Variants in TENM1 observed in about 807,000 individuals in gnomAD.
TENM1 encodes the protein teneurin-1.
In TENM1, 35 loss-of-function variants were observed where a neutral mutation model predicts 174.8. The ratio of observed to expected loss-of-function variants is 0.20; its 90% CI spans 0.15 to 0.27. The LOEUF is 0.27. Ranked by LOEUF, TENM1 falls within the 10% of genes least tolerant of loss-of-function variation. The pLI is 1.00. For synonymous variants in TENM1, 781 were observed against 798.7 expected (o/e 0.98, Z 0.37); for missense variants, 1,633 against 2,130.1 (o/e 0.77, Z 4.59).
the TENM1 span, among the ~76,000 whole-genome samples, chrX:125,049,175 T>C: frequency 9.0e-6 from 1 of 111,484 alleles, no homozygotes; most frequent in South Asian, 3.7e-4. Context: ...TGTGCAACCA[T>C]TACCACTAAT....
intron 11 of TENM1, among the ~76,000 whole-genome samples, chrX:124,585,752 G>A (rs1009720231): frequency 4.5e-5 from 5 of 111,387 alleles, no homozygotes; most frequent in Non-Finnish European, 9.4e-5. Context: ...CCAGGAGCTG[G>A]TTTTTTGAAA....
intron 3 of TENM1, among the ~76,000 whole-genome samples, chrX:124,820,096 G>C (rs918142143): frequency 9.0e-6 from 1 of 111,028 alleles, no homozygotes; most frequent in Non-Finnish European, 1.9e-5. Context: ...GCCTGGCTCT[G>C]TTCCCTTTTC....
At chrX:124,732,898 G>C (rs2053595018) in intron 4 of TENM1, among the ~76,000 whole-genome samples, 1 of 112,080 alleles carries the variant, frequency 8.9e-6, no homozygotes, top group Non-Finnish European at 1.9e-5. Context: ...CCTTTCCTTT[G>C]GGGATTGACC....
At chrX:124,996,544 AAAAAC>A in the TENM1 span, among the ~76,000 whole-genome samples, 281 of 94,057 alleles carry the variant, frequency 3.0e-3, 1 homozygote, top group African/African-American at 0.012. Flanking sequence ...CTAAAAAAAA[AAAAAC>A]CACACACACA....
chrX:124,491,896 AT>A (rs1199249838), intron 20 of TENM1, among the ~76,000 whole-genome samples: 1 of 111,678 alleles, frequency 9.0e-6, no homozygotes, highest in Non-Finnish European at 1.9e-5. Flanking sequence ...AAGGGCATCC[AT>A]TAGGGGCAAA....
intron 1 of TENM1, among the ~76,000 whole-genome samples, chrX:124,929,567 G>T (rs138517196): frequency 1.1e-3 from 124 of 111,961 alleles, no homozygotes; most frequent in African/African-American, 3.8e-3. Context: ...TTCACCTGCA[G>T]GAAAGGGACC....
At chrX:124,503,591 C>A in exon 19 of TENM1, 1 of 1,206,677 alleles carries the variant, frequency 8.3e-7, no homozygotes, top group Middle Eastern at 2.3e-4. Flanking sequence ...GATGCTTATT[C>A]AAAGACCAGC....
rs191974911 is a variant in TENM1 at position 124,411,558 on chromosome X, C to A, written c.4983-5069G>T. Among the ~76,000 whole-genome samples the A allele has an allele frequency of 2.1e-4, 24 of 111,707 alleles. 1 individual carries two copies. In the Middle Eastern group the frequency reaches 0.014, roughly 65 times the overall value. ...ACCCCAACTCCAACACACTCACATA[C>A]CCCAATTCTGCTAGTTCACAGTTAA... On this transcript the variant is annotated intron_variant, in intron 25 of 31. Transcript: ENST00000422452.
At chrX:124,754,641 G>C (rs371267128) in intron 3 of TENM1, among the ~76,000 whole-genome samples, 163 of 109,268 alleles carry the variant, frequency 1.5e-3, no homozygotes, top group African/African-American at 5.2e-3. Context: ...ATAAATTTCC[G>C]TCTACACACT....
intron 23 of TENM1, among the ~76,000 whole-genome samples, chrX:124,423,467 G>T (rs926777265): frequency 9.0e-6 from 1 of 111,602 alleles, no homozygotes; most frequent in Admixed American, 9.6e-5. Flanking sequence ...ATGATTTGTG[G>T]TATAGTAGAG....
At chrX:125,058,744 T>C in the TENM1 span, among the ~76,000 whole-genome samples, 20,748 of 110,165 alleles carry the variant, frequency 0.19, 1,494 homozygotes, top group Admixed American at 0.33. Flanking sequence ...TGACAGTGGT[T>C]ACTACTGTAA....
the TENM1 span, among the ~76,000 whole-genome samples, chrX:125,025,244 G>A: frequency 9.0e-6 from 1 of 110,797 alleles, no homozygotes; most frequent in Non-Finnish European, 1.9e-5. Context: ...GACCATGTAT[G>A]TATACATACT....
intron 11 of TENM1, among the ~76,000 whole-genome samples, chrX:124,610,274 T>C (rs2050250610): frequency 1.8e-5 from 2 of 112,437 alleles, no homozygotes; most frequent in Non-Finnish European, 1.9e-5. Context: ...ATTCTGTTTA[T>C]AGTGCAATAA....
At chrX:124,778,968 T>A (rs1469394715) in intron 3 of TENM1, among the ~76,000 whole-genome samples, 3 of 112,208 alleles carry the variant, frequency 2.7e-5, no homozygotes, top group Non-Finnish European at 5.6e-5. Context: ...AGCAGGGTCA[T>A]GGTATAATGT....
the TENM1 span, among the ~76,000 whole-genome samples, chrX:125,201,204 A>G: frequency 8.9e-6 from 1 of 112,376 alleles, no homozygotes; most frequent in Non-Finnish European, 1.9e-5. Flanking sequence ...ATCAATGACT[A>G]TGAGGGAAAC....
chrX:124,393,393 A>G (rs2060301616), intron 27 of TENM1, among the ~76,000 whole-genome samples: 2 of 110,088 alleles, frequency 1.8e-5, no homozygotes, highest in African/African-American at 3.3e-5. Context: ...AGAAAATGCA[A>G]TCCTCAACTG....
intron 11 of TENM1, among the ~76,000 whole-genome samples, chrX:124,639,878 G>T (rs1477333871): frequency 9.0e-6 from 1 of 110,856 alleles, no homozygotes; most frequent in South Asian, 3.8e-4. Flanking sequence ...ATCAAGTTAG[G>T]TCCCTATTGT....
intron 14 of TENM1, among the ~76,000 whole-genome samples, chrX:124,551,406 C>T (rs1298318941): frequency 1.8e-5 from 2 of 110,956 alleles, no homozygotes; most frequent in African/African-American, 6.6e-5. Context: ...TATAAAGTCA[C>T]AGTTATAAGA....
In TENM1 at chrX:124,606,731, T is replaced by C. The variant is rs141398388; in HGVS notation, c.2077+35060A>G. ...GCATGGGTTCTAGAATCAGACACAT[T>C]AGGGTTTAGACCATAGCTCTGATAT... On this transcript the variant is annotated intron_variant, in intron 11 of 31. Coordinates refer to ENST00000422452, the Ensembl canonical transcript of TENM1. 4.5e-4 allele frequency among the ~76,000 whole-genome samples: 50 copies of C among 111,831 alleles called. 1 individual carries two copies. The East Asian group carries it at 0.01, about 23-fold the overall frequency.
Sources: gnomAD v4.1 joint callset for allele counts (sites outside exome capture counted in the v4.1 genomes callset) on GRCh38, gnomAD v4.1.1 for gene constraint, MANE v1.5 for transcripts, NCBI Gene and HGNC (gene_info 2026-07-23, HGNC 2026-07-21) for gene names.